Variants in SYNJ1 observed in about 807,000 individuals in gnomAD.
The protein encoded by SYNJ1 is polyphosphatidylinositol phosphatase SYNJ1.
SYNJ1 carries 78 observed loss-of-function variants against 168.2 expected under a neutral mutation model. The ratio of observed to expected loss-of-function variants is 0.46; its 90% CI spans 0.39 to 0.56. SYNJ1 has a LOEUF of 0.56. Among genes scored for constraint, SYNJ1 ranks in the 20% least tolerant of loss-of-function variants. The pLI, the probability that SYNJ1 is intolerant of heterozygous loss-of-function variation, is 0.00. For missense variants in SYNJ1, 1,303 were observed against 1,597.6 expected (o/e 0.82, Z 3.14); for synonymous variants, 539 against 548.6 (o/e 0.98, Z 0.24).
chr21:32,641,893 T>C lies in SYNJ1; in HGVS notation c.3588+3A>G. 1 of 1,608,376 alleles carries C rather than the reference T, an allele frequency of 6.2e-7. No homozygotes were observed. Among genetic ancestry groups the C allele is most frequent in the Non-Finnish European group, 8.5e-7 (1 of 1,177,092 alleles). Reference sequence around the variant, plus strand: ...CCTTGGCCCCAGGCGAGGTTTTACCTACCGGTCTGGCTGTACTGTATCCAG... The same window carrying C: ...CCTTGGCCCCAGGCGAGGTTTTACCCACCGGTCTGGCTGTACTGTATCCAG... On this transcript the variant is annotated splice_donor_region_variant and intron_variant, in intron 29 of 32. Transcript: ENST00000674351.
At chr21:32,657,181 G>T (rs1042760018) in intron 19 of SYNJ1, 61 bp from the exon 20 acceptor site, 3 of 1,114,316 alleles carry the variant, frequency 2.7e-6, no homozygotes, top group African/African-American at 3.1e-5. Context: ...ATCGTGTAGA[G>T]CAAAGAGGCA....
Position 32,656,851 on chromosome 21 carries a change from C to G in SYNJ1, c.2631G>C (p.Glu877Asp), listed in dbSNP as rs375526059. The stretch of plus-strand genomic sequence containing the variant: ...TTACTTCTTTATAAATGTTTTGCCT[C>G]TCTTCAGCTTCAACTTCAAATATAT... ...DIDIFEVEAE[E>D]RQNIYKEVIA... The change falls in exon 21 of 33, where the codon GAG (glutamate) becomes GAC (aspartate). Residue 877 changes from glutamate (E) to aspartate (D), a missense_variant. Physicochemically the swap from Glu to Asp is conservative, Grantham distance 45. This residue lies in a region of SYNJ1 where 920 missense variants were observed against 1,208.8 expected (regional missense o/e 0.76). Transcript: ENST00000674351. The G allele has an allele frequency of 1.9e-6, 3 of 1,614,058 alleles. No homozygotes were observed. The highest frequency in any genetic ancestry group is 2.5e-6 in the Non-Finnish European group (3 of 1,180,046).
At chr21:32,721,754 T>A (rs1427948879) in intron 2 of SYNJ1, among the ~76,000 whole-genome samples, 1 of 152,162 alleles carries the variant, frequency 6.6e-6, no homozygotes, top group East Asian at 1.9e-4. Flanking sequence ...ATCATAGACA[T>A]TTCAAATTGG....
intron 31 of SYNJ1, among the ~76,000 whole-genome samples, 167 bp downstream of exon 31, chr21:32,638,741 C>CATAT (rs112225294): frequency 1.3e-5 from 2 of 149,660 alleles, no homozygotes; most frequent in Non-Finnish European, 3.0e-5. Context: ...AAAACCCAAA[C>CATAT]ATATATATAT....
rs1274970038 is a variant in SYNJ1 at position 32,645,673 on chromosome 21, G to T, written c.3364C>A (p.Pro1122Thr). 6.6e-7 allele frequency: 1 copy of T among 1,521,190 alleles called. No individual in the cohort carries two copies. Among genetic ancestry groups the T allele is most frequent in the Non-Finnish European group, 8.8e-7 (1 of 1,140,094 alleles). 94.2% of individuals were successfully genotyped at this position (1,521,190 alleles called of 1,614,324 possible). A position where few individuals can be genotyped will look rare whatever the true frequency, so the allele number is the denominator to read the frequency against. Reference protein sequence around the residue: ...RPVAPPTRPAPPQRPPPPSGA... With the variant: ...RPVAPPTRPATPQRPPPPSGA... Reference sequence around the variant, plus strand: ...GAAGGCGGAGGAGGTCTCTGTGGGGGAGCCGGGCGTGTGGGAGGGGCGACC... The same window carrying T: ...GAAGGCGGAGGAGGTCTCTGTGGGGTAGCCGGGCGTGTGGGAGGGGCGACC... Residue 1122 changes from proline to threonine, a missense_variant, in exon 25 of 33, where the codon CCC becomes ACC. Coordinates refer to ENST00000674351, the MANE Select transcript of SYNJ1 (RefSeq NM_203446.3).
At chr21:32,690,152 C>A (rs1269407627) in intron 6 of SYNJ1, among the ~76,000 whole-genome samples, 1 of 152,202 alleles carries the variant, frequency 6.6e-6, no homozygotes, top group Non-Finnish European at 1.5e-5. Flanking sequence ...CACATATATA[C>A]ATTCAGCTAT....
chr21:32,728,015 C>T, upstream of SYNJ1: 5 of 1,536,092 alleles, frequency 3.3e-6, no homozygotes, highest in Non-Finnish European at 3.5e-6. Context: ...GTCACTTCCG[C>T]TCCAGCAGGC....
At chr21:32,719,003 TA>T (rs200153251) in intron 2 of SYNJ1, among the ~76,000 whole-genome samples, 1 of 151,564 alleles carries the variant, frequency 6.6e-6, no homozygotes, top group Admixed American at 6.6e-5. Flanking sequence ...ATAATTACAG[TA>T]AAAAAAAATT....
rs2040640321 is a variant in SYNJ1, at chr21:32,660,296, C to T, written c.2305-2424G>A. ...CTTGGGCAAAACCTGAATATAAAGG[C>T]CTTCCATACTGTGGTAACTTTGATG... is the stretch of plus-strand genomic sequence containing the variant. On this transcript the variant is annotated intron_variant, in intron 18 of 32. Transcript: ENST00000674351. Among the ~76,000 whole-genome samples the T allele has an allele frequency of 3.3e-5, 5 of 152,316 alleles. 1 individual carries two copies. Among genetic ancestry groups the T allele is most frequent in the Non-Finnish European group, 5.9e-5 (4 of 68,032 alleles).
At chr21:32,663,302 G>A (rs183890974) in intron 18 of SYNJ1, among the ~76,000 whole-genome samples, 155 of 152,294 alleles carry the variant, frequency 1.0e-3, no homozygotes, top group African/African-American at 3.6e-3. Flanking sequence ...CACCCCGTAG[G>A]ATGACTTAGT....
chr21:32,657,960 C>T, intron 18 of SYNJ1, 88 bp from the exon 19 acceptor site: 1 of 1,008,380 alleles, frequency 9.9e-7, no homozygotes, highest in Non-Finnish European at 1.5e-6. Context: ...ATGTCTATTA[C>T]ATGCTGGATG....
chr21:32,702,349 G>T (rs559948945), intron 2 of SYNJ1, among the ~76,000 whole-genome samples: 2 of 152,242 alleles, frequency 1.3e-5, no homozygotes, highest in South Asian at 2.1e-4. Context: ...AATGATAAAA[G>T]CTAATGGCAA....
chr21:32,686,269 C>T (rs1216784959), intron 8 of SYNJ1, among the ~76,000 whole-genome samples: 2 of 151,948 alleles, frequency 1.3e-5, no homozygotes, highest in Admixed American at 6.6e-5. Context: ...TTAAATTTTA[C>T]CATAAAGTCA....
At chr21:32,640,343 C>T (rs529649279) in intron 29 of SYNJ1, among the ~76,000 whole-genome samples, 7 of 151,766 alleles carry the variant, frequency 4.6e-5, no homozygotes, top group Admixed American at 2.6e-4. Context: ...TGTGGCCAGA[C>T]GGGAGTGCAG....
At chr21:32,676,493 T>C (rs1208489233) in intron 12 of SYNJ1, 138 bp from the exon 13 acceptor site, 5 of 692,238 alleles carry the variant, frequency 7.2e-6, no homozygotes, top group Middle Eastern at 3.3e-4. Context: ...CTGATAGCTA[T>C]AGAACACCAA....
intron 14 of SYNJ1, among the ~76,000 whole-genome samples, chr21:32,671,441 A>T (rs2041185306): frequency 6.6e-6 from 1 of 152,258 alleles, no homozygotes; most frequent in African/African-American, 2.4e-5. Context: ...ACATCTTCTA[A>T]GAAAGATTAT....
Position 32,701,213 on chromosome 21 carries a change from T to C in SYNJ1, c.211+748A>G, listed in dbSNP as rs180979024. ...TGATAGATTCATAACAAATGACAAATCTCCATTTTATAGACCAGTGCTACT... is the reference window on the plus strand; with the variant it reads ...TGATAGATTCATAACAAATGACAAACCTCCATTTTATAGACCAGTGCTACT... On this transcript the variant is annotated intron_variant, in intron 3 of 32. Transcript: ENST00000674351. 5.7e-4 allele frequency among the ~76,000 whole-genome samples: 87 copies of C among 152,200 alleles called. 1 individual carries two copies. The highest frequency in any genetic ancestry group is 3.2e-3 in the Admixed American group (49 of 15,292).
At chr21:32,655,311 C>T (rs2040416341) in intron 21 of SYNJ1, among the ~76,000 whole-genome samples, 2 of 152,230 alleles carry the variant, frequency 1.3e-5, no homozygotes, top group African/African-American at 2.4e-5. Flanking sequence ...TTTGGCATTT[C>T]TGTACTTGGC....
chr21:32,689,584 C>T (rs568168955), intron 6 of SYNJ1, among the ~76,000 whole-genome samples: 37 of 152,346 alleles, frequency 2.4e-4, no homozygotes, highest in African/African-American at 7.7e-4. Flanking sequence ...CATGAGCCAC[C>T]GCGCCCCGCG....
Sources: allele counts gnomAD v4.1 joint callset (sites outside exome capture counted in the v4.1 genomes callset), GRCh38; gene constraint gnomAD v4.1.1; regional missense constraint gnomAD v4.1.1; transcripts MANE v1.5; gene names NCBI Gene and HGNC (gene_info 2026-07-23, HGNC 2026-07-21).